Variants in NSUN6 observed in about 807,000 individuals in gnomAD.
NSUN6 encodes the protein tRNA (cytosine(72)-C(5))-methyltransferase NSUN6.
NSUN6 carries 64 observed loss-of-function variants against 58.0 expected under a neutral mutation model. The observed-to-expected ratio is 1.10, with a 90% CI of 0.90 to 1.36. The LOEUF is 1.36. Ranked by LOEUF, NSUN6 falls within the 40% of genes most tolerant of loss-of-function variation. The pLI, the probability that NSUN6 is intolerant of heterozygous loss-of-function variation, is 0.00. For missense variants in NSUN6, 701 were observed against 550.1 expected, an observed-to-expected ratio of 1.27 and a Z score of -2.74; for synonymous variants, 231 against 193.9, an observed-to-expected ratio of 1.19 and a Z score of -1.59.
At chr10:18,592,042 G>C (rs544850235) in intron 7 of NSUN6, among the ~76,000 whole-genome samples, 14 of 152,216 alleles carry the variant, frequency 9.2e-5, no homozygotes, top group African/African-American at 3.4e-4. Flanking sequence ...AAATCAGTGT[G>C]CAAAAAAATC....
At chr10:18,622,030 T>C (rs963907190) in intron 3 of NSUN6, among the ~76,000 whole-genome samples, 5 of 134,304 alleles carry the variant, frequency 3.7e-5, no homozygotes, top group Non-Finnish European at 8.0e-5. Flanking sequence ...TATATATATA[T>C]ACGAATGACA....
In NSUN6 at chr10:18,567,455, A is replaced by G. The variant is rs368282334; in HGVS notation, c.923-15484T>C. ...CATGCTCCATTCCATTCCATGCTCC[A>G]TTCCATTCCATTCTCCATACCATCC... On this transcript the variant is annotated intron_variant, in intron 8 of 10. Transcript: ENST00000377304. Among the ~76,000 whole-genome samples the G allele has an allele frequency of 4.4e-3, 658 of 148,626 alleles. 8 individuals carry two copies. The highest frequency in any genetic ancestry group is 0.033 in the South Asian group (156 of 4,660).
intron 8 of NSUN6, among the ~76,000 whole-genome samples, chr10:18,570,911 C>A (rs1200130207): frequency 5.9e-5 from 9 of 151,380 alleles, no homozygotes; most frequent in Non-Finnish European, 1.3e-4. Context: ...TTCTCCATTC[C>A]ATTCCATTCT....
chr10:18,561,187 G>A (rs906931617), intron 8 of NSUN6, among the ~76,000 whole-genome samples: 1 of 85,908 alleles, frequency 1.2e-5, no homozygotes, highest in South Asian at 5.5e-4. Context: ...GGCTAGAAGG[G>A]AGAATGGAAT....
At chr10:18,570,573 GTGTCCATTCCATTCTCCATTCCATTCCAC>G (rs1819445517) in intron 8 of NSUN6, among the ~76,000 whole-genome samples, 1 of 110,716 alleles carries the variant, frequency 9.0e-6, no homozygotes, top group Non-Finnish European at 1.9e-5. Flanking sequence ...TTCCAATCCA[GTGTCCATTCCATTCTCCATTCCATTCCAC>G]TGTCCATTCC....
intron 8 of NSUN6, among the ~76,000 whole-genome samples, chr10:18,566,741 C>T (rs969701817): frequency 2.0e-5 from 3 of 151,350 alleles, no homozygotes; most frequent in African/African-American, 7.3e-5. Context: ...ATTCCATGCT[C>T]CATTCCATTC....
At position 18,545,561 on chromosome 10, in the gene NSUN6, T is replaced by A. The variant is rs1359586192; in HGVS notation, c.*372A>T. ...ACAAAAACAACTTTTCATAACCACA[T>A]CAAATATTGCTAATTTATTCCTTTT... On this transcript the variant is annotated 3_prime_UTR_variant, in exon 11 of 11. Coordinates refer to ENST00000377304, the MANE Select transcript of NSUN6 (RefSeq NM_182543.5). 1 of 165,568 alleles carries A rather than the reference T, an allele frequency of 6.0e-6. No homozygotes were observed. Among genetic ancestry groups the A allele is most frequent in the African/African-American group, 2.4e-5 (1 of 41,562 alleles). The allele number at this position is 165,568 out of a possible 1,614,324, so 10.3% of individuals were successfully genotyped here.
intron 6 of NSUN6, among the ~76,000 whole-genome samples, chr10:18,603,720 G>A (rs776591903): frequency 4.6e-5 from 7 of 151,788 alleles, no homozygotes; most frequent in Admixed American, 1.3e-4. Flanking sequence ...CAGGTGATCC[G>A]CCCACCTCAG....
chr10:18,622,670 T>C (rs1279456434), intron 3 of NSUN6, among the ~76,000 whole-genome samples: 2 of 152,144 alleles, frequency 1.3e-5, no homozygotes, highest in Admixed American at 6.5e-5. Flanking sequence ...GATCGTGCCA[T>C]TGCACTCTAG....
chr10:18,593,669 G>C (rs2057463748), intron 7 of NSUN6, among the ~76,000 whole-genome samples: 2 of 152,084 alleles, frequency 1.3e-5, no homozygotes, highest in African/African-American at 4.8e-5. Context: ...AGAACACATG[G>C]ACACAGGGAG....
At chr10:18,656,491 C>A (rs1443567481), upstream of NSUN6, among the ~76,000 whole-genome samples, 1 of 152,096 alleles carries the variant, frequency 6.6e-6, no homozygotes, top group Admixed American at 6.5e-5. Flanking sequence ...GAGCTGAGAT[C>A]ACACAACTGC....
At position 18,635,396 on chromosome 10, in the gene NSUN6, C is replaced by G. The variant is rs187145317; in HGVS notation, c.311+7080G>C. 1.1e-3 allele frequency among the ~76,000 whole-genome samples: 172 copies of G among 152,300 alleles called. 2 individuals are homozygous for G. The highest frequency in any genetic ancestry group is 3.8e-3 in the African/African-American group (160 of 41,562). ...AACCTGAGGGCTGTCTTGGGAATCT[C>G]TGATGTAGGTAATATCTGTGCCAGA... is the stretch of plus-strand genomic sequence containing the variant. On this transcript the variant is annotated intron_variant, in intron 3 of 10. Transcript: ENST00000377304.
chr10:18,557,103 T>C (rs1202301896), intron 8 of NSUN6, among the ~76,000 whole-genome samples: 3 of 147,314 alleles, frequency 2.0e-5, no homozygotes, highest in Admixed American at 6.8e-5. Flanking sequence ...TGGAGAATAG[T>C]GTGCAGAATG....
chr10:18,578,704 G>C (rs1031677442), intron 8 of NSUN6, among the ~76,000 whole-genome samples: 5 of 152,124 alleles, frequency 3.3e-5, no homozygotes, highest in African/African-American at 1.2e-4. Flanking sequence ...GTGGCCAGCT[G>C]AATTCCAGTA....
Position 18,642,500 on chromosome 10 carries a change from A to G in NSUN6, c.287T>C (p.Leu96Ser). ...CCTGGGTCCAATAACAGGAATAAGT[A>G]ACACATCTTGAAGGTCTGGATGTTG... ...ILQHPDLQDV[L>S]LIPVIGPRKN... Residue 96 changes from leucine (L) to serine (S), a missense_variant, in exon 3 of 11, where the codon TTA becomes TCA. Physicochemically the swap from Leu to Ser is moderately radical, Grantham distance 145. Coordinates refer to ENST00000377304, the MANE Select transcript of NSUN6 (RefSeq NM_182543.5). 6.5e-7 allele frequency: 1 copy of G among 1,546,574 alleles called. No individual in the cohort carries two copies. Among genetic ancestry groups the G allele is most frequent in the Non-Finnish European group, 8.9e-7 (1 of 1,119,452 alleles).
intron 2 of NSUN6, among the ~76,000 whole-genome samples, chr10:18,645,111 TCG>T: frequency 7.1e-6 from 1 of 140,720 alleles, no homozygotes; most frequent in South Asian, 2.2e-4. Context: ...TGAGCTGAGA[TCG>T]CGCCATTGCA....
At chr10:18,609,155 A>C (rs1007932714) in intron 6 of NSUN6, among the ~76,000 whole-genome samples, 2 of 152,074 alleles carry the variant, frequency 1.3e-5, no homozygotes, top group Non-Finnish European at 2.9e-5. Flanking sequence ...CAAAAACATC[A>C]AAAAAATGAG....
intron 3 of NSUN6, among the ~76,000 whole-genome samples, chr10:18,637,571 G>C (rs1263564374): frequency 6.6e-6 from 1 of 152,196 alleles, no homozygotes; most frequent in African/African-American, 2.4e-5. Flanking sequence ...AGGGTAATCT[G>C]GTAATATGTC....
chr10:18,572,864 T>C (rs558297889), intron 8 of NSUN6, among the ~76,000 whole-genome samples: 27 of 151,160 alleles, frequency 1.8e-4, no homozygotes, highest in African/African-American at 6.1e-4. Context: ...TGCATTTCAT[T>C]CCATTCCTTT....
Sources: gnomAD v4.1 joint callset for allele counts (sites outside exome capture counted in the v4.1 genomes callset) on GRCh38, gnomAD v4.1.1 for gene constraint, MANE v1.5 for transcripts, NCBI Gene and HGNC (gene_info 2026-07-23, HGNC 2026-07-21) for gene names.